The following GLG1 variants were observed in gnomAD, a reference collection of about 807,000 sequenced individuals.
GLG1 encodes the protein Golgi apparatus protein 1.
Under a neutral mutation model 160.5 loss-of-function variants are expected in GLG1, and 38 were observed. The ratio of observed to expected loss-of-function variants is 0.24; its 90% CI spans 0.18 to 0.31. The LOEUF is 0.31. GLG1 is among the 10% of genes least tolerant of loss of function. GLG1 has a pLI of 1.00. For missense variants in GLG1, 1,373 were observed against 1,505.2 expected (o/e 0.91, Z 1.45); for synonymous variants, 644 against 543.4 (o/e 1.19, Z -2.57).
chr16:74,560,466 T>A lies in GLG1; in HGVS notation c.439-28313A>T, dbSNP rs766292523. ...CCTCAGCCTCCCCCCGCCGCCCCCCTGCCCCCGCAGTAACTAGTAACTTGA... is the reference window on the plus strand; with the variant it reads ...CCTCAGCCTCCCCCCGCCGCCCCCCAGCCCCCGCAGTAACTAGTAACTTGA... On this transcript the variant is annotated intron_variant, in intron 1 of 25. Transcript: ENST00000422840. 7.0e-5 allele frequency among the ~76,000 whole-genome samples: 8 copies of A among 114,984 alleles called. 1 individual carries two copies. Among genetic ancestry groups the A allele is most frequent in the Non-Finnish European group, 1.2e-4 (7 of 56,380 alleles). The allele number at this position is 114,984 out of a possible 152,430, so 75.4% of individuals were successfully genotyped here.
At chr16:74,515,269 T>C (rs1239030123) in intron 2 of GLG1, among the ~76,000 whole-genome samples, 1 of 152,116 alleles carries the variant, frequency 6.6e-6, no homozygotes, top group East Asian at 1.9e-4. Flanking sequence ...TATCCAGGAC[T>C]TGAACTCAGC....
intron 22 of GLG1, 89 bp from the exon 23 acceptor site, chr16:74,459,878 CAGAGCCA>C: frequency 1.5e-6 from 1 of 665,542 alleles, no homozygotes; most frequent in South Asian, 2.1e-5. Context: ...TTTTTTGAAA[CAGAGCCA>C]AGCTCTGTCA....
At chr16:74,533,085 C>G (rs1478522200) in intron 1 of GLG1, among the ~76,000 whole-genome samples, 1 of 152,180 alleles carries the variant, frequency 6.6e-6, no homozygotes, top group East Asian at 1.9e-4. Flanking sequence ...CTTTGGGAGG[C>G]TGAGGTGGGC....
At chr16:74,503,473 G>C in intron 4 of GLG1, 58 bp downstream of exon 4, 1 of 1,181,332 alleles carries the variant, frequency 8.5e-7, no homozygotes. Flanking sequence ...GTTATACAAA[G>C]CTTTTCATAC....
chr16:74,571,314 C>T (rs989105583), intron 1 of GLG1, among the ~76,000 whole-genome samples: 3 of 152,122 alleles, frequency 2.0e-5, no homozygotes. Context: ...TAAGGGATCC[C>T]ATTGAGTACT....
At chr16:74,602,854 T>C (rs1958473620) in intron 1 of GLG1, among the ~76,000 whole-genome samples, 1 of 151,170 alleles carries the variant, frequency 6.6e-6, no homozygotes, top group African/African-American at 2.4e-5. Context: ...CCCTATTCTC[T>C]CTACTTCTGT....
intron 1 of GLG1, among the ~76,000 whole-genome samples, chr16:74,604,438 G>A (rs1018120090): frequency 7.2e-5 from 11 of 152,186 alleles, no homozygotes; most frequent in Non-Finnish European, 1.2e-4. Context: ...ATATCTGCAG[G>A]AGGCCTGGAA....
At chr16:74,535,938 AAG>A (rs2017675431) in intron 1 of GLG1, among the ~76,000 whole-genome samples, 1 of 152,202 alleles carries the variant, frequency 6.6e-6, no homozygotes, top group Non-Finnish European at 1.5e-5. Flanking sequence ...AGAGGAAGAG[AAG>A]AGAGAGAACG....
At chr16:74,552,319 C>T (rs1014100922) in intron 1 of GLG1, 7 of 585,702 alleles carry the variant, frequency 1.2e-5, no homozygotes, top group Admixed American at 4.3e-5. Context: ...TCATGGTGGC[C>T]AAGAAGGATG....
At chr16:74,580,284 G>T (rs573337717) in intron 1 of GLG1, among the ~76,000 whole-genome samples, 1 of 152,024 alleles carries the variant, frequency 6.6e-6, no homozygotes, top group South Asian at 2.1e-4. Context: ...AGGAGTTTGA[G>T]ACCAGCCTGA....
chr16:74,489,480 A>G (rs1183121641), intron 8 of GLG1, among the ~76,000 whole-genome samples: 1 of 152,024 alleles, frequency 6.6e-6, no homozygotes, highest in Non-Finnish European at 1.5e-5. Context: ...TCAAAAAAAA[A>G]AAAGGTAGGT....
chr16:74,529,259 G>A (rs1309539326), intron 2 of GLG1, among the ~76,000 whole-genome samples: 4 of 152,006 alleles, frequency 2.6e-5, no homozygotes, highest in Non-Finnish European at 5.9e-5. Flanking sequence ...GTGAACCACC[G>A]CACCTGGCCA....
intron 2 of GLG1, among the ~76,000 whole-genome samples, chr16:74,515,752 G>C (rs570290902): frequency 1.3e-5 from 2 of 151,638 alleles, no homozygotes; most frequent in East Asian, 3.9e-4. Context: ...ACACAGATTG[G>C]CAAACTGGAT....
chr16:74,474,779 CTTTG>C (rs1160925938), intron 12 of GLG1, 147 bp from the exon 13 acceptor site: 3 of 645,736 alleles, frequency 4.6e-6, no homozygotes, highest in Non-Finnish European at 8.4e-6. Flanking sequence ...GACACAAAAG[CTTTG>C]TTTAATTCCC....
At chr16:74,506,168 T>C (rs2016595315) in intron 3 of GLG1, among the ~76,000 whole-genome samples, 1 of 147,994 alleles carries the variant, frequency 6.8e-6, no homozygotes, top group South Asian at 2.1e-4. Flanking sequence ...ATCCCAGCAC[T>C]TGTAATTCAA....
At chr16:74,583,815 C>T (rs866441371) in intron 1 of GLG1, among the ~76,000 whole-genome samples, 6 of 152,204 alleles carry the variant, frequency 3.9e-5, no homozygotes, top group African/African-American at 7.2e-5. Flanking sequence ...ACCATGGCTA[C>T]GTCCTCCACT....
intron 3 of GLG1, among the ~76,000 whole-genome samples, chr16:74,505,301 G>A (rs1407964576): frequency 6.6e-6 from 1 of 152,174 alleles, no homozygotes; most frequent in Non-Finnish European, 1.5e-5. Flanking sequence ...TACTTCTAAA[G>A]GGGCAAACTT....
chr16:74,529,384 T>C (rs2017453068), intron 2 of GLG1, among the ~76,000 whole-genome samples: 1 of 152,296 alleles, frequency 6.6e-6, no homozygotes, highest in African/African-American at 2.4e-5. Flanking sequence ...TAAAGACTAA[T>C]TCTCGGTTGA....
intron 1 of GLG1, among the ~76,000 whole-genome samples, chr16:74,603,476 C>G (rs1958491841): frequency 6.6e-6 from 1 of 151,768 alleles, no homozygotes; most frequent in Non-Finnish European, 1.5e-5. Flanking sequence ...CGGTGTCTCA[C>G]TATGTTGCCA....
Sources: gnomAD v4.1 joint callset for allele counts (sites outside exome capture counted in the v4.1 genomes callset) on GRCh38, gnomAD v4.1.1 for gene constraint, MANE v1.5 for transcripts, NCBI Gene and HGNC (gene_info 2026-07-23, HGNC 2026-07-21) for gene names.